The following WWOX variants were observed in gnomAD, a reference collection of about 807,000 sequenced individuals.
WWOX encodes WW domain containing oxidoreductase, also known as WW domain-containing oxidoreductase.
In WWOX, 69 loss-of-function variants were observed where a neutral mutation model predicts 46.2. The ratio of observed to expected loss-of-function variants is 1.49; its 90% CI spans 1.23 to 1.82. WWOX has a LOEUF of 1.82. Ranked by LOEUF, WWOX falls within the 40% of genes most tolerant of loss-of-function variation. The pLI, the probability that WWOX is intolerant of heterozygous loss-of-function variation, is 0.00. For synonymous variants in WWOX, 359 were observed against 202.6 expected (o/e 1.77, Z -6.56); for missense variants, 919 against 542.6 (o/e 1.69, Z -6.89).
At chr16:78,182,917 C>G (rs147743413) in intron 5 of WWOX, among the ~76,000 whole-genome samples, 312 of 142,486 alleles carry the variant, frequency 2.2e-3, no homozygotes, top group African/African-American at 7.8e-3. Context: ...CGCCACTGCA[C>G]TTCAGCCTGG....
At chr16:78,307,288 C>G (rs1329423124) in intron 5 of WWOX, among the ~76,000 whole-genome samples, 2 of 152,186 alleles carry the variant, frequency 1.3e-5, no homozygotes, top group Non-Finnish European at 2.9e-5. Flanking sequence ...GAGTACGCTT[C>G]TAGGCTTCTG....
At chr16:78,400,804 C>T (rs1009137221) in intron 6 of WWOX, among the ~76,000 whole-genome samples, 33 of 152,204 alleles carry the variant, frequency 2.2e-4, no homozygotes, top group African/African-American at 8.0e-4. Context: ...ATCAACACTA[C>T]AATTCATATA....
At position 78,587,508 on chromosome 16, in the gene WWOX, A is replaced by T. The variant is rs868344009; in HGVS notation, c.1056+154756A>T. Among the ~76,000 whole-genome samples, 5 of 152,120 alleles carry T rather than the reference A, an allele frequency of 3.3e-5. No individual in the cohort carries two copies. In the South Asian group the frequency reaches 1.0e-3, roughly 32 times the overall value. On this transcript the variant is annotated intron_variant, in intron 8 of 8. Transcript: ENST00000566780. ...ATGAATCTTTCAAGATAAGTGTCTT[A>T]TTGATTATCCTGAAAACAAGCGATC...
intron 8 of WWOX, among the ~76,000 whole-genome samples, chr16:78,998,620 G>A (rs1319868798): frequency 6.6e-6 from 1 of 152,202 alleles, no homozygotes; most frequent in Admixed American, 6.5e-5. Context: ...TACAATAGGT[G>A]TAATAGTAAA....
intron 8 of WWOX, among the ~76,000 whole-genome samples, chr16:78,657,991 T>G (rs1189137012): frequency 6.6e-6 from 1 of 152,128 alleles, no homozygotes; most frequent in Non-Finnish European, 1.5e-5. Context: ...ATTTTTCACT[T>G]TATCCTGGAG....
chr16:79,081,799 C>A (rs2048765284), intron 8 of WWOX, among the ~76,000 whole-genome samples: 1 of 152,106 alleles, frequency 6.6e-6, no homozygotes, highest in Admixed American at 6.6e-5. Context: ...CCTCTGGTCT[C>A]CAGCAGAAGA....
chr16:78,630,405 A>G (rs1380382973), intron 8 of WWOX, among the ~76,000 whole-genome samples: 1 of 152,162 alleles, frequency 6.6e-6, no homozygotes. Context: ...GCTCATGTGG[A>G]ATACCTGCTT....
chr16:78,884,670 A>C (rs1220948344), intron 8 of WWOX, among the ~76,000 whole-genome samples: 2 of 152,222 alleles, frequency 1.3e-5, no homozygotes, highest in African/African-American at 4.8e-5. Flanking sequence ...GTCAGGGTAG[A>C]GGATGGATGG....
chr16:79,150,018 G>C (rs1417828136), intron 8 of WWOX, among the ~76,000 whole-genome samples: 1 of 152,226 alleles, frequency 6.6e-6, no homozygotes, highest in East Asian at 1.9e-4. Context: ...GGGAACCTAA[G>C]AAGGAAATGC....
chr16:79,144,386 C>A (rs1042350782), intron 8 of WWOX, among the ~76,000 whole-genome samples: 1 of 152,194 alleles, frequency 6.6e-6, no homozygotes, highest in Non-Finnish European at 1.5e-5. Context: ...TTACGAATGC[C>A]CAGCACTTCT....
At chr16:78,429,501 T>C (rs11861068) in intron 7 of WWOX, among the ~76,000 whole-genome samples, 1,702 of 152,144 alleles carry the variant, frequency 0.011, 24 homozygotes, top group African/African-American at 0.039. Context: ...GCTAAACAAA[T>C]ATGCCAAGAA....
At chr16:78,575,595 G>T (rs948059449) in intron 8 of WWOX, among the ~76,000 whole-genome samples, 3 of 152,086 alleles carry the variant, frequency 2.0e-5, no homozygotes, top group Non-Finnish European at 2.9e-5. Context: ...CTCTTAAGTC[G>T]TGCATTTGAC....
intron 8 of WWOX, among the ~76,000 whole-genome samples, chr16:78,469,802 C>T (rs2084176315): frequency 6.6e-6 from 1 of 152,184 alleles, no homozygotes; most frequent in Non-Finnish European, 1.5e-5. Context: ...TCAGTGCTAG[C>T]CAGCCACAGG....
intron 6 of WWOX, among the ~76,000 whole-genome samples, chr16:78,407,320 T>C (rs546754862): frequency 5.3e-5 from 8 of 152,200 alleles, no homozygotes; most frequent in Non-Finnish European, 8.8e-5. Context: ...ATGCCCCAGA[T>C]GGTGTGACAT....
chr16:78,953,744 C>A (rs140328858), intron 8 of WWOX, among the ~76,000 whole-genome samples: 41 of 152,324 alleles, frequency 2.7e-4, no homozygotes, highest in African/African-American at 9.6e-4. Context: ...TGCCTGCTCT[C>A]ATCACCTGGT....
chr16:79,019,647 A>G (rs887426212), intron 8 of WWOX, among the ~76,000 whole-genome samples: 1 of 151,924 alleles, frequency 6.6e-6, no homozygotes, highest in Non-Finnish European at 1.5e-5. Context: ...CTGCATGTGC[A>G]TACTGGATAA....
intron 8 of WWOX, among the ~76,000 whole-genome samples, chr16:78,923,608 G>A (rs76916674): frequency 0.04 from 6,118 of 151,908 alleles, 182 homozygotes; most frequent in Non-Finnish European, 0.064. Flanking sequence ...TCTCTTGGCG[G>A]GTGGGGGGAT....
In WWOX at chr16:78,786,509, A is replaced by G. The variant is rs111520617; in HGVS notation, c.1056+353757A>G. ...TAGTACTTTTTAGTATGATTTATTT[A>G]ATAGTAACCTTATATAATGTTTTTC... On this transcript the variant is annotated intron_variant, in intron 8 of 8. Transcript: ENST00000566780. Among the ~76,000 whole-genome samples, 1,437 of 152,344 alleles carry G rather than the reference A, an allele frequency of 9.4e-3. 21 individuals carry two copies. The highest frequency in any genetic ancestry group is 0.033 in the African/African-American group (1,363 of 41,570).
intron 8 of WWOX, among the ~76,000 whole-genome samples, chr16:78,733,193 A>T (rs1476527327): frequency 6.6e-6 from 1 of 152,210 alleles, no homozygotes; most frequent in African/African-American, 2.4e-5. Context: ...TATAATACTA[A>T]AGTAAATAGA....
Sources: allele counts gnomAD v4.1 joint callset (sites outside exome capture counted in the v4.1 genomes callset), GRCh38; gene constraint gnomAD v4.1.1; transcripts MANE v1.5; gene names NCBI Gene and HGNC (gene_info 2026-07-23, HGNC 2026-07-21).